The following FLG variants were observed in gnomAD, a reference collection of about 807,000 sequenced individuals.
FLG encodes the protein filaggrin, also known as epidermal filaggrin.
In FLG, 6 loss-of-function variants were observed where a neutral mutation model predicts 3.8. That is an observed-to-expected ratio of 1.60 (90% CI 0.87 to 3.15). FLG has a LOEUF of 3.15. FLG is among the 30% of genes most tolerant of loss of function. FLG has a pLI of 0.00. For missense variants in FLG, 7,595 were observed against 5,050.9 expected (o/e 1.50, Z -15.27); for synonymous variants, 2,551 against 1,931.6 (o/e 1.32, Z -8.41).
At position 152,311,432 on chromosome 1, in the gene FLG, T is replaced by C; in HGVS notation, c.3454A>G (p.Ser1152Gly). The C allele has an allele frequency of 1.2e-6, 2 of 1,613,964 alleles. No individual in the cohort carries two copies. The highest frequency in any genetic ancestry group is 1.1e-5 in the South Asian group (1 of 91,062). Reference sequence around the variant, plus strand: ...TCTTGGGACGCTGAGTGCCTGGAGCTGTCTCGTGCCTGCTCGTGGTGGGAT... The same window carrying C: ...TCTTGGGACGCTGAGTGCCTGGAGCCGTCTCGTGCCTGCTCGTGGTGGGAT... ...QGSHHEQARDSSRHSASQEGQ... is the reference protein window; with the variant it reads ...QGSHHEQARDGSRHSASQEGQ... Residue 1152 changes from serine to glycine, a missense_variant, in exon 3 of 3, where the codon AGC becomes GGC. Ser to Gly is a moderately conservative substitution (Grantham distance 56, BLOSUM62 0). Coordinates refer to ENST00000368799, the MANE Select transcript of FLG (RefSeq NM_002016.2).
chr1:152,303,736 T>C lies in FLG; in HGVS notation c.11150A>G (p.His3717Arg). The change falls in exon 3 of 3, where the codon CAT becomes CGT. Residue 3717 changes from histidine (H) to arginine (R), a missense_variant. Physicochemically the swap from His to Arg is conservative, Grantham distance 29. Coordinates refer to ENST00000368799, the MANE Select transcript of FLG (RefSeq NM_002016.2). ...TCCATGGGCAGACTCAGACTGTTCATGAGTGCTCACCTGGTAGAGGAAAGA... is the reference window on the plus strand; with the variant it reads ...TCCATGGGCAGACTCAGACTGTTCACGAGTGCTCACCTGGTAGAGGAAAGA... The part of the protein sequence containing the change: ...SGSFLYQVST[H>R]EQSESAHGRA... 1 of 1,613,986 alleles carries C rather than the reference T, an allele frequency of 6.2e-7. No homozygotes were observed. Among genetic ancestry groups the C allele is most frequent in the South Asian group, 1.1e-5 (1 of 91,058 alleles).
chr1:152,320,945 T>C (rs1158401303), intron 1 of FLG, among the ~76,000 whole-genome samples: 1 of 150,860 alleles, frequency 6.6e-6, no homozygotes. Flanking sequence ...TTGAATAAAT[T>C]ACAATGCAAA....
In FLG at chr1:152,311,224, C is replaced by T. The variant is rs202164130; in HGVS notation, c.3662G>A (p.Arg1221His). ...GCCGTCTCCTGATTGTTTGTCCTTA[C>T]GAGTTTGTCTGCTTGCACTTCTGGA... is the stretch of plus-strand genomic sequence containing the variant. ...SGSRSASRQT[R>H]KDKQSGDGSR... The change falls in exon 3 of 3, where the codon CGT (arginine) becomes CAT (histidine). Residue 1221 changes from arginine (R) to histidine (H), a missense_variant. By Grantham distance (29) the Arg-to-His change is conservative (BLOSUM62 0). Coordinates refer to ENST00000368799, the MANE Select transcript of FLG (RefSeq NM_002016.2). The T allele has an allele frequency of 5.1e-5, 83 of 1,613,402 alleles. No individual in the cohort carries two copies. In the East Asian group the frequency reaches 9.8e-4, roughly 19 times the overall value.
chr1:152,308,271 G>A lies in FLG; in HGVS notation c.6615C>T (p.His2205=), dbSNP rs772402208. The A allele has an allele frequency of 4.3e-6, 7 of 1,613,044 alleles. No homozygotes were observed. The highest frequency in any genetic ancestry group is 3.3e-5 in the Admixed American group (2 of 59,932). Residue 2205 remains histidine, a synonymous_variant, in exon 3 of 3, where the codon CAC becomes CAT. Coordinates refer to ENST00000368799, the MANE Select transcript of FLG (RefSeq NM_002016.2). Reference sequence around the variant, plus strand: ...AAGCTTCATGATGATGCGACCCTGAGTGCCTAGAGCCATCTCCTGATTGTT... The same window carrying A: ...AAGCTTCATGATGATGCGACCCTGAATGCCTAGAGCCATCTCCTGATTGTT... ...DKEQSGDGSR[H]SGSHHHEASS...
In FLG at chr1:152,304,964, G is replaced by T. The variant is rs747461121; in HGVS notation, c.9922C>A (p.Gln3308Lys). ...PGERHGSRHQ[Q>K]SADSSRHSGI... is the part of the protein sequence containing the mutation. ...GAGTGTCTGGAGCTGTCTGCTGACT[G>T]CTGGTGGCGGGATCCGTGTCTCTCT... Residue 3308 changes from glutamine to lysine, a missense_variant, in exon 3 of 3, where the codon CAG becomes AAG. By Grantham distance (53) the Gln-to-Lys change is moderately conservative. Coordinates refer to ENST00000368799, the MANE Select transcript of FLG (RefSeq NM_002016.2). The T allele has an allele frequency of 5.6e-6, 9 of 1,613,962 alleles. No individual in the cohort carries two copies. The highest frequency in any genetic ancestry group is 7.6e-6 in the Non-Finnish European group (9 of 1,180,000).
chr1:152,308,105 C>G lies in FLG; in HGVS notation c.6781G>C (p.Gly2261Arg), dbSNP rs1432232480. 1.2e-6 allele frequency: 2 copies of G among 1,614,014 alleles called. No individual in the cohort carries two copies. Among genetic ancestry groups the G allele is most frequent in the Admixed American group, 1.7e-5 (1 of 60,018 alleles). Residue 2261 changes from glycine to arginine, a missense_variant, in exon 3 of 3, where the codon GGG (glycine) becomes CGG (arginine). Coordinates refer to ENST00000368799, the MANE Select transcript of FLG (RefSeq NM_002016.2). ...GHSEDSERRS[G>R]SASRNHHGSA... ...CCATGATGGTTTCTGGACGCAGACC[C>G]AGACCGCCTCTCAGAATCTTCTGAG... is the stretch of plus-strand genomic sequence containing the variant.
rs139466209 is a variant in FLG at position 152,312,309 on chromosome 1, T to C, written c.2577A>G (p.Gln859=). 6.2e-7 allele frequency: 1 copy of C among 1,613,262 alleles called. No individual in the cohort carries two copies. The highest frequency in any genetic ancestry group is 1.3e-5 in the African/African-American group (1 of 74,682). Residue 859 remains glutamine (Q), a synonymous_variant, in exon 3 of 3, where the codon CAA becomes CAG. Transcript: ENST00000368799. Reference sequence around the variant, plus strand: ...CTGAGTGTCCAGACCTATCTACCGATTGCTCGTGGTGGGACCCCTGCCTTC... The same window carrying C: ...CTGAGTGTCCAGACCTATCTACCGACTGCTCGTGGTGGGACCCCTGCCTTC... ...RRGRQGSHHE[Q]SVDRSGHSGS...
Position 152,307,081 on chromosome 1 carries a change from C to T in FLG, c.7805G>A (p.Gly2602Asp). 1 of 1,609,908 alleles carries T rather than the reference C, an allele frequency of 6.2e-7. No individual in the cohort carries two copies. Among genetic ancestry groups the T allele is most frequent in the South Asian group, 1.1e-5 (1 of 90,878 alleles). The change falls in exon 3 of 3, where the codon GGC becomes GAC. Residue 2602 changes from glycine (G) to aspartate (D), a missense_variant. Coordinates refer to ENST00000368799, the MANE Select transcript of FLG (RefSeq NM_002016.2). Reference sequence around the variant, plus strand: ...TTGATGGGACCTGGGGTGTCTGGAGCCATCTCTTAGCTGCTCCTGAGCAGA... The same window carrying T: ...TTGATGGGACCTGGGGTGTCTGGAGTCATCTCTTAGCTGCTCCTGAGCAGA... ...HGSAQEQLRD[G>D]SRHPRSHQED...
intron 1 of FLG, among the ~76,000 whole-genome samples, chr1:152,319,907 G>C (rs1652901403): frequency 6.6e-6 from 1 of 151,314 alleles, no homozygotes; most frequent in African/African-American, 2.4e-5. Flanking sequence ...GCTAGATATT[G>C]ATTGCATAAA....
Position 152,307,297 on chromosome 1 carries a change from G to C in FLG, c.7589C>G (p.Ser2530Ter). 1 of 1,613,522 alleles carries C rather than the reference G, an allele frequency of 6.2e-7. No individual in the cohort carries two copies. Among genetic ancestry groups the C allele is most frequent in the Non-Finnish European group, 8.5e-7 (1 of 1,179,968 alleles). ...DEQSGDGSRHSGSRHHEASSR... is the reference protein window; with the variant it reads ...DEQSGDGSRH ...GGAAGCTTCATGGTGACGCGACCCT[G>C]AGTGCCTGGAGCCGTCTCCTGATTG... Residue 2530 changes from serine (S) to a stop codon, truncating the protein, a stop_gained, in exon 3 of 3, where the codon TCA (serine) becomes TGA (stop). Transcript: ENST00000368799. LOFTEE classifies it low-confidence loss of function (END_TRUNC).
chr1:152,303,228 G>A lies in FLG; in HGVS notation c.11658C>T (p.Asn3886=). The change falls in exon 3 of 3, where the codon AAC becomes AAT. Residue 3886 remains asparagine, a synonymous_variant. Coordinates refer to ENST00000368799, the MANE Select transcript of FLG (RefSeq NM_002016.2). ...ACTGCTCCCGAGAAGATCCATGATG[G>A]TTTCTGGAAGCAGACTCAGATCGCC... ...SERRSESASR[N]HHGSSREQSR... 2 of 1,614,110 alleles carry A rather than the reference G, an allele frequency of 1.2e-6. No homozygotes were observed. Among genetic ancestry groups the A allele is most frequent in the Non-Finnish European group, 1.7e-6 (2 of 1,180,032 alleles).
chr1:152,322,047 A>G (rs1310738856), intron 1 of FLG, among the ~76,000 whole-genome samples: 2 of 151,184 alleles, frequency 1.3e-5, no homozygotes, highest in African/African-American at 2.4e-5. Context: ...AATTATATGA[A>G]CCTCTCAATA....
At position 152,310,062 on chromosome 1, in the gene FLG, C is replaced by T; in HGVS notation, c.4824G>A (p.Glu1608=). 2 of 1,613,674 alleles carry T rather than the reference C, an allele frequency of 1.2e-6. No individual in the cohort carries two copies. The highest frequency in any genetic ancestry group is 1.7e-6 in the Non-Finnish European group (2 of 1,179,918). ...RDSEGHSEDS[E]RRSESASRNH... is the part of the protein sequence containing the mutation. ...TTCTGGAAGCCGACTCAGACCGCCT[C>T]TCAGAGTCTTCTGAGTGTCCCTCAC... is the stretch of plus-strand genomic sequence containing the variant. The change falls in exon 3 of 3, where the codon GAG becomes GAA. Residue 1608 remains glutamate (E), a synonymous_variant. Coordinates refer to ENST00000368799, the MANE Select transcript of FLG (RefSeq NM_002016.2).
rs763927334 is a variant in FLG, at chr1:152,308,607, C to G, written c.6279G>C (p.Gln2093His). Residue 2093 changes from glutamine (Q) to histidine (H), a missense_variant, in exon 3 of 3, where the codon CAG becomes CAC. Gln to His is a conservative substitution (Grantham distance 24). Coordinates refer to ENST00000368799, the MANE Select transcript of FLG (RefSeq NM_002016.2). ...ACTCAGACTGTTCATGAGTGCTCAC[C>G]TGGTAGAGGAAAGACCCTGAACGTC... Reference protein sequence around the residue: ...SSGRSGSFLYQVSTHEQSEST... With the variant: ...SSGRSGSFLYHVSTHEQSEST... 38 of 1,613,986 alleles carry G rather than the reference C, an allele frequency of 2.4e-5. No homozygotes were observed. Among genetic ancestry groups the G allele is most frequent in the Non-Finnish European group, 3.2e-5 (38 of 1,180,008 alleles).
Position 152,311,808 on chromosome 1 carries a change from T to A in FLG, c.3078A>T (p.Arg1026Ser), listed in dbSNP as rs775644698. 6.2e-7 allele frequency: 1 copy of A among 1,614,036 alleles called. No homozygotes were observed. ...ATCCGTGTCTTTCTCCTGGACTTGA[T>A]CTTGCCTGTTCATGGGATGACGCAG... Reference protein sequence around the residue: ...GQAASSHEQARSSPGERHGSR... With the variant: ...GQAASSHEQASSSPGERHGSR... The change falls in exon 3 of 3, where the codon AGA (arginine) becomes AGT (serine). Residue 1026 changes from arginine (R) to serine (S), a missense_variant. By Grantham distance (110) the Arg-to-Ser change is moderately radical. Coordinates refer to ENST00000368799, the MANE Select transcript of FLG (RefSeq NM_002016.2).
chr1:152,313,279 A>T lies in FLG; in HGVS notation c.1607T>A (p.Val536Glu), dbSNP rs759459648. ...GGAACCTGAGTGTCCAGACCTATTT[A>T]CCGATTGCTCGTGGTGGGATCCCTG... is the stretch of plus-strand genomic sequence containing the variant. ...GRQGSHHEQS[V>E]NRSGHSGSHH... Residue 536 changes from valine (V) to glutamate (E), a missense_variant, in exon 3 of 3, where the codon GTA (valine) becomes GAA (glutamate). Physicochemically the swap from Val to Glu is moderately radical, Grantham distance 121. Transcript: ENST00000368799. 6 of 1,613,364 alleles carry T rather than the reference A, an allele frequency of 3.7e-6. No homozygotes were observed. The South Asian group carries it at 6.6e-5, about 18-fold the overall frequency.
intron 1 of FLG, among the ~76,000 whole-genome samples, chr1:152,318,541 T>C (rs760110602): frequency 1.3e-5 from 2 of 151,860 alleles, no homozygotes; most frequent in African/African-American, 2.4e-5. Flanking sequence ...GTTGGAAATA[T>C]CTGTGGCTGT....
In FLG at chr1:152,313,242, G is replaced by A. The variant is rs752246528; in HGVS notation, c.1644C>T (p.His548=). The stretch of plus-strand genomic sequence containing the variant: ...CATCAGACCTTCCCTGGGATGTGGT[G>A]TGGCTGTGATGGGAACCTGAGTGTC... The part of the protein sequence containing the change: ...RSGHSGSHHS[H]TTSQGRSDAS... The change falls in exon 3 of 3, where the codon CAC becomes CAT. Residue 548 remains histidine (H), a synonymous_variant. Transcript: ENST00000368799. The A allele has an allele frequency of 1.2e-6, 2 of 1,613,930 alleles. No homozygotes were observed. The highest frequency in any genetic ancestry group is 2.2e-5 in the East Asian group (1 of 44,840).
rs1472729576 is a variant in FLG at position 152,304,309 on chromosome 1, G to T, written c.10577C>A (p.Ser3526Ter). The stretch of plus-strand genomic sequence containing the variant: ...GTTCCTGCTTGTCCTGGGCCCCGCT[G>T]ATTGTCCCTGGCCGGACTGTGAGTG... ...SRHSQSGQGQ[S>*]AGPRTSRNQG... The change falls in exon 3 of 3, where the codon TCA becomes TAA. Residue 3526 changes from serine (S) to a stop codon, truncating the protein, a stop_gained. Coordinates refer to ENST00000368799, the MANE Select transcript of FLG (RefSeq NM_002016.2). LOFTEE classifies it low-confidence loss of function (END_TRUNC). 6.2e-7 allele frequency: 1 copy of T among 1,612,270 alleles called. No individual in the cohort carries two copies. Among genetic ancestry groups the T allele is most frequent in the Non-Finnish European group, 8.5e-7 (1 of 1,179,076 alleles).
Sources: gnomAD v4.1 joint callset for allele counts (sites outside exome capture counted in the v4.1 genomes callset) on GRCh38, gnomAD v4.1.1 for gene constraint, MANE v1.5 for transcripts, NCBI Gene and HGNC (gene_info 2026-07-23, HGNC 2026-07-21) for gene names.